The following DOCK10 variants were observed in gnomAD, a reference collection of about 807,000 sequenced individuals.
The protein encoded by DOCK10 is dedicator of cytokinesis 10, also known as dedicator of cytokinesis protein 10.
A neutral mutation model predicts 280.1 loss-of-function variants in DOCK10; 145 were observed. The observed-to-expected ratio is 0.52, with a 90% CI of 0.45 to 0.59. The LOEUF (loss-of-function observed/expected upper bound fraction) is 0.59, where lower values mean the gene tolerates loss of function less well. DOCK10 is among the 20% of genes least tolerant of loss of function. The pLI, the probability that DOCK10 is intolerant of heterozygous loss-of-function variation, is 0.00. For missense variants in DOCK10, 2,368 were observed against 2,651.7 expected, an observed-to-expected ratio of 0.89 and a Z score of 2.35; for synonymous variants, 915 against 942.2, an observed-to-expected ratio of 0.97 and a Z score of 0.53.
chr2:224,973,109 G>T (rs753648884), intron 1 of DOCK10, among the ~76,000 whole-genome samples: 4 of 152,004 alleles, frequency 2.6e-5, no homozygotes, highest in Non-Finnish European at 5.9e-5. Flanking sequence ...GTTTCAATAA[G>T]ACAATATACA....
intron 25 of DOCK10, among the ~76,000 whole-genome samples, 170 bp from the exon 26 acceptor site, chr2:224,834,433 G>A (rs1190494794): frequency 6.6e-6 from 1 of 152,098 alleles, no homozygotes; most frequent in African/African-American, 2.4e-5. Flanking sequence ...TCCTATTTAG[G>A]GCTTTGCAGA....
intron 1 of DOCK10, among the ~76,000 whole-genome samples, chr2:225,008,381 A>T (rs558487995): frequency 6.6e-6 from 1 of 152,274 alleles, no homozygotes; most frequent in Non-Finnish European, 1.5e-5. Context: ...TTTTCTTCTG[A>T]GGCAGTCTTA....
intron 1 of DOCK10, chr2:224,983,588 T>C (rs1196450908): frequency 3.0e-6 from 1 of 329,756 alleles, no homozygotes; most frequent in Non-Finnish European, 6.1e-6. Context: ...ATTGTTTTGC[T>C]GTAACGTGTG....
chr2:224,873,892 A>C (rs1698458092), intron 11 of DOCK10, 104 bp downstream of exon 11: 4 of 1,184,484 alleles, frequency 3.4e-6, no homozygotes, highest in Non-Finnish European at 3.5e-6. Flanking sequence ...TACACTAGAG[A>C]GTGAGAAATC....
At chr2:224,873,851 G>T in intron 11 of DOCK10, 145 bp downstream of exon 11, 1 of 783,104 alleles carries the variant, frequency 1.3e-6, no homozygotes, top group Non-Finnish European at 2.0e-6. Flanking sequence ...CTTGTGTAAT[G>T]TGGGAAAAGG....
rs367976528 is a variant in DOCK10 at position 224,789,106 on chromosome 2, C to T, written c.5376G>A (p.Ala1792=). 6.1e-5 allele frequency: 99 copies of T among 1,613,548 alleles called. No homozygotes were observed. Among genetic ancestry groups the T allele is most frequent in the South Asian group, 9.9e-5 (9 of 90,980 alleles). Residue 1792 remains alanine, a synonymous_variant, in exon 48 of 56, where the codon GCG becomes GCA. Coordinates refer to ENST00000258390, the MANE Select transcript of DOCK10 (RefSeq NM_014689.3). ...CTTGCATTCCAGAATCCTCTTTCATCGCTCCTTCTTCCTTAATGTTTGGTG... is the reference window on the plus strand; with the variant it reads ...CTTGCATTCCAGAATCCTCTTTCATTGCTCCTTCTTCCTTAATGTTTGGTG... ...SITPNIKEEG[A]MKEDSGMQDT...
At chr2:224,899,790 C>T (rs1700188464) in intron 3 of DOCK10, among the ~76,000 whole-genome samples, 1 of 152,148 alleles carries the variant, frequency 6.6e-6, no homozygotes, top group Admixed American at 6.5e-5. Flanking sequence ...GGATAGAATG[C>T]TCAAAGTATT....
chr2:225,001,755 C>T (rs1002098909), intron 1 of DOCK10, among the ~76,000 whole-genome samples: 5 of 152,190 alleles, frequency 3.3e-5, no homozygotes, highest in East Asian at 1.9e-4. Context: ...ATCGAGGCGT[C>T]GGCAGGTGTG....
At chr2:225,027,889 C>T (rs1689959523) in intron 1 of DOCK10, among the ~76,000 whole-genome samples, 1 of 152,192 alleles carries the variant, frequency 6.6e-6, no homozygotes, top group Admixed American at 6.5e-5. Flanking sequence ...GGTCTATTAA[C>T]TTAATCAAAG....
At chr2:224,987,655 A>G (rs1230585021) in intron 1 of DOCK10, among the ~76,000 whole-genome samples, 1 of 152,202 alleles carries the variant, frequency 6.6e-6, no homozygotes, top group Non-Finnish European at 1.5e-5. Context: ...CAGCTTGTCC[A>G]CAGGTCAGTC....
At chr2:224,817,202 A>C (rs1200643088) in intron 29 of DOCK10, among the ~76,000 whole-genome samples, 4 of 152,222 alleles carry the variant, frequency 2.6e-5, no homozygotes, top group Non-Finnish European at 5.9e-5. Context: ...ATAGTACATT[A>C]ATTAATTCGT....
At chr2:224,951,845 A>T (rs889260233) in intron 1 of DOCK10, among the ~76,000 whole-genome samples, 1 of 152,134 alleles carries the variant, frequency 6.6e-6, no homozygotes, top group Non-Finnish European at 1.5e-5. Context: ...CAGTTGTAGG[A>T]CTGAGGTGGC....
chr2:224,935,727 G>C (rs1702649468), intron 1 of DOCK10, among the ~76,000 whole-genome samples: 1 of 152,094 alleles, frequency 6.6e-6, no homozygotes, highest in African/African-American at 2.4e-5. Context: ...TAAAGCCTAT[G>C]GGTTTTTAAT....
At chr2:224,996,721 T>C (rs1032203317) in intron 1 of DOCK10, among the ~76,000 whole-genome samples, 4 of 152,340 alleles carry the variant, frequency 2.6e-5, no homozygotes, top group East Asian at 1.9e-4. Context: ...CAGGGCTTAA[T>C]AGTGAAGAGG....
At chr2:224,909,756 G>A (rs1315183568) in intron 3 of DOCK10, among the ~76,000 whole-genome samples, 1 of 152,154 alleles carries the variant, frequency 6.6e-6, no homozygotes, top group East Asian at 1.9e-4. Flanking sequence ...TACACACAAT[G>A]TATAAGCAAC....
Position 224,784,662 on chromosome 2 carries a change from A to T in DOCK10, c.5655+2360T>A, listed in dbSNP as rs1691605448. The T allele has an allele frequency of 1.3e-5, 16 of 1,242,006 alleles. No homozygotes were observed. The South Asian group carries it at 1.9e-4, about 15-fold the overall frequency. 76.9% of individuals were successfully genotyped at this position (1,242,006 alleles called of 1,614,324 possible). A position where few individuals can be genotyped will look rare whatever the true frequency, so the allele number is the denominator to read the frequency against. On this transcript the variant is annotated intron_variant, in intron 50 of 55. Coordinates refer to ENST00000258390, the MANE Select transcript of DOCK10 (RefSeq NM_014689.3). ...GATTTGCACAAAAAGGTTAAGGTTC[A>T]GTAAAACCATACAGAGGGAAGTGTG...
chr2:224,883,857 CA>C (rs1444608720), intron 7 of DOCK10, among the ~76,000 whole-genome samples: 1 of 152,122 alleles, frequency 6.6e-6, no homozygotes, highest in Non-Finnish European at 1.5e-5. Context: ...TGGGTTTCTG[CA>C]AACTTAATAT....
At chr2:225,015,595 A>C (rs771582203) in intron 1 of DOCK10, among the ~76,000 whole-genome samples, 1 of 152,294 alleles carries the variant, frequency 6.6e-6, no homozygotes, top group South Asian at 2.1e-4. Context: ...CCAGGCCAGC[A>C]GGCAGCTCGG....
At chr2:224,908,709 C>G (rs938005910) in intron 3 of DOCK10, among the ~76,000 whole-genome samples, 1 of 152,084 alleles carries the variant, frequency 6.6e-6, no homozygotes, top group African/African-American at 2.4e-5. Context: ...ATGGCCCAAG[C>G]TGGTCTTGAA....
Sources: allele counts gnomAD v4.1 joint callset (sites outside exome capture counted in the v4.1 genomes callset), GRCh38; gene constraint gnomAD v4.1.1; transcripts MANE v1.5; gene names NCBI Gene and HGNC (gene_info 2026-07-23, HGNC 2026-07-21).